PTPRO: variants seen among roughly 807,000 people sequenced by gnomAD.
PTPRO encodes the protein receptor-type tyrosine-protein phosphatase O.
PTPRO carries 62 observed loss-of-function variants against 145.2 expected under a neutral mutation model. That is an observed-to-expected ratio of 0.43 (90% CI 0.35 to 0.53). The LOEUF is 0.53. PTPRO is among the 20% of genes least tolerant of loss of function. PTPRO has a pLI of 0.01. For missense variants in PTPRO, 1,345 were observed against 1,482.7 expected (o/e 0.91, Z 1.53); for synonymous variants, 565 against 514.7 (o/e 1.10, Z -1.32).
At position 15,432,032 on chromosome 12, in the gene PTPRO, G is replaced by A. The variant is rs896556260; in HGVS notation, c.76-51942G>A. 3.9e-5 allele frequency among the ~76,000 whole-genome samples: 6 copies of A among 152,188 alleles called. No homozygotes were observed. In the South Asian group the frequency reaches 1.2e-3, roughly 32 times the overall value. ...TTAGCATTTAAGTTTAGGGGTATGT[G>A]TGCAGGTTGGTTATATAAATACACT... On this transcript the variant is annotated intron_variant, in intron 1 of 26. Coordinates refer to ENST00000281171, the MANE Select transcript of PTPRO (RefSeq NM_030667.3).
intron 12 of PTPRO, chr12:15,546,202 C>A: frequency 2.2e-6 from 1 of 447,724 alleles, no homozygotes. Context: ...CATTTTTCTC[C>A]ACCTTTATTA....
At chr12:15,590,747 A>T (rs2135673441) in intron 25 of PTPRO, among the ~76,000 whole-genome samples, 1 of 152,344 alleles carries the variant, frequency 6.6e-6, no homozygotes, top group Non-Finnish European at 1.5e-5. Flanking sequence ...ATTGATAATT[A>T]GGAAGCAAGT....
At position 15,345,212 on chromosome 12, in the gene PTPRO, A is replaced by G. The variant is rs57057251; in HGVS notation, c.75+22411A>G. 4.6e-3 allele frequency among the ~76,000 whole-genome samples: 707 copies of G among 152,304 alleles called. 7 individuals carry two copies. Among genetic ancestry groups the G allele is most frequent in the African/African-American group, 0.016 (670 of 41,564 alleles). On this transcript the variant is annotated intron_variant, in intron 1 of 26. Transcript: ENST00000281171. The stretch of plus-strand genomic sequence containing the variant: ...ATGTCTTCCTGAACCTAGCATGCAG[A>G]TAGTTGATACTATACAATACAAAAC...
intron 1 of PTPRO, among the ~76,000 whole-genome samples, chr12:15,380,921 AAAG>A (rs1368150417): frequency 6.6e-6 from 1 of 152,176 alleles, no homozygotes. Flanking sequence ...TGGATTTTTT[AAAG>A]AAGGAGACAT....
intron 25 of PTPRO, among the ~76,000 whole-genome samples, chr12:15,590,404 A>G (rs1944523111): frequency 6.6e-6 from 1 of 152,108 alleles, no homozygotes; most frequent in South Asian, 2.1e-4. Flanking sequence ...TCTTACAATA[A>G]TCCTTTTTCT....
chr12:15,529,636 C>A (rs890620422), intron 12 of PTPRO, among the ~76,000 whole-genome samples: 14 of 152,194 alleles, frequency 9.2e-5, no homozygotes, highest in African/African-American at 2.9e-4. Flanking sequence ...CATGACAGAG[C>A]AAGACCCCCA....
chr12:15,547,075 AT>A (rs1304252240), intron 13 of PTPRO, among the ~76,000 whole-genome samples: 2 of 152,232 alleles, frequency 1.3e-5, no homozygotes, highest in Non-Finnish European at 2.9e-5. Context: ...ACATGATAGA[AT>A]CAATATTTGC....
At chr12:15,371,431 C>G (rs2136259290) in intron 1 of PTPRO, among the ~76,000 whole-genome samples, 1 of 152,172 alleles carries the variant, frequency 6.6e-6, no homozygotes, top group South Asian at 2.1e-4. Flanking sequence ...CGGGGTTTCA[C>G]TATCTTGGCC....
chr12:15,578,203 G>A (rs974062648), intron 19 of PTPRO, among the ~76,000 whole-genome samples: 1 of 151,574 alleles, frequency 6.6e-6, no homozygotes, highest in South Asian at 2.1e-4. Flanking sequence ...TTTCTCTAAG[G>A]CTCATTGCCT....
intron 1 of PTPRO, among the ~76,000 whole-genome samples, chr12:15,392,818 G>T (rs545239624): frequency 1.3e-5 from 2 of 151,930 alleles, no homozygotes; most frequent in East Asian, 1.9e-4. Context: ...TCTGTTCATG[G>T]CCCCATCCTG....
intron 1 of PTPRO, among the ~76,000 whole-genome samples, chr12:15,416,677 C>T (rs1391174186): frequency 6.6e-6 from 1 of 150,932 alleles, no homozygotes; most frequent in South Asian, 2.1e-4. Context: ...CTGTTAAGAA[C>T]TGAGCAGTTT....
chr12:15,586,545 A>C (rs1181246917), intron 23 of PTPRO, among the ~76,000 whole-genome samples: 1 of 152,196 alleles, frequency 6.6e-6, no homozygotes, highest in East Asian at 1.9e-4. Flanking sequence ...AGGCTGGCAA[A>C]GTGTATCTAA....
At chr12:15,363,304 C>T (rs1938264317) in intron 1 of PTPRO, among the ~76,000 whole-genome samples, 1 of 152,184 alleles carries the variant, frequency 6.6e-6, no homozygotes, top group African/African-American at 2.4e-5. Flanking sequence ...GTAATTACCT[C>T]TCCTCCACAT....
At chr12:15,413,550 C>T (rs1352131187) in intron 1 of PTPRO, among the ~76,000 whole-genome samples, 1 of 152,150 alleles carries the variant, frequency 6.6e-6, no homozygotes, top group Non-Finnish European at 1.5e-5. Flanking sequence ...CACGGTGGCT[C>T]ACTCCTGTAA....
chr12:15,568,144 G>A (rs1237273846), intron 18 of PTPRO, among the ~76,000 whole-genome samples: 4 of 152,016 alleles, frequency 2.6e-5, no homozygotes, highest in Admixed American at 6.6e-5. Context: ...TAAGACCACA[G>A]TTAGGCCAGG....
intron 19 of PTPRO, among the ~76,000 whole-genome samples, chr12:15,572,789 G>C (rs989041100): frequency 1.3e-5 from 2 of 152,074 alleles, no homozygotes; most frequent in African/African-American, 4.8e-5. Context: ...TAGATCAATG[G>C]TTCTCAACTG....
chr12:15,585,022 G>A (rs1024662806), intron 23 of PTPRO, among the ~76,000 whole-genome samples: 10 of 152,196 alleles, frequency 6.6e-5, no homozygotes, highest in African/African-American at 2.4e-4. Flanking sequence ...GGGACTTTGT[G>A]CCCTGCTATT....
At position 15,419,578 on chromosome 12, in the gene PTPRO, A is replaced by G. The variant is rs919746710; in HGVS notation, c.76-64396A>G. On this transcript the variant is annotated intron_variant, in intron 1 of 26. Transcript: ENST00000281171. ...TAATGATGTCCTCCAAGTCTGACCT[A>G]CAGGGAACTTTTCTTCTAATTAATA... Among the ~76,000 whole-genome samples, 13 of 151,754 alleles carry G rather than the reference A, an allele frequency of 8.6e-5. 1 individual carries two copies. The highest frequency in any genetic ancestry group is 3.2e-4 in the African/African-American group (13 of 40,998).
chr12:15,555,223 T>C (rs1030054430), intron 15 of PTPRO, among the ~76,000 whole-genome samples: 1 of 152,040 alleles, frequency 6.6e-6, no homozygotes, highest in Non-Finnish European at 1.5e-5. Context: ...GGGCGACGAC[T>C]GAGTGAAACT....
Sources: gnomAD v4.1 joint callset for allele counts (sites outside exome capture counted in the v4.1 genomes callset) on GRCh38, gnomAD v4.1.1 for gene constraint, MANE v1.5 for transcripts, NCBI Gene and HGNC (gene_info 2026-07-23, HGNC 2026-07-21) for gene names.